The following DENND1B variants were observed in gnomAD, a reference collection of about 807,000 sequenced individuals.
The protein encoded by DENND1B is DENN domain-containing protein 1B.
A neutral mutation model predicts 90.1 loss-of-function variants in DENND1B; 59 were observed. The ratio of observed to expected loss-of-function variants is 0.65; its 90% CI spans 0.53 to 0.81. DENND1B has a LOEUF of 0.81. DENND1B is among the 40% of genes least tolerant of loss of function. DENND1B has a pLI of 0.00. For missense variants in DENND1B, 862 were observed against 912.6 expected (o/e 0.94, Z 0.71); for synonymous variants, 337 against 324.6 (o/e 1.04, Z -0.41).
At chr1:197,778,905 T>C (rs1393553142), upstream of DENND1B, among the ~76,000 whole-genome samples, 1 of 152,128 alleles carries the variant, frequency 6.6e-6, no homozygotes, top group Non-Finnish European at 1.5e-5. Context: ...TTTTAATAGG[T>C]ACATTTTAAC....
chr1:197,547,268 T>TC, intron 16 of DENND1B, among the ~76,000 whole-genome samples: 1 of 92,338 alleles, frequency 1.1e-5, no homozygotes, highest in East Asian at 2.7e-4. Context: ...ACCCCATCTC[T>TC]TTTTTTTTTT....
chr1:197,739,856 A>G (rs1473107599), intron 2 of DENND1B, among the ~76,000 whole-genome samples: 1 of 152,228 alleles, frequency 6.6e-6, no homozygotes, highest in Non-Finnish European at 1.5e-5. Context: ...ATCTTAATAA[A>G]ACATAATTGA....
intron 14 of DENND1B, among the ~76,000 whole-genome samples, chr1:197,588,133 C>G (rs1334362299): frequency 6.6e-6 from 1 of 152,200 alleles, no homozygotes; most frequent in East Asian, 1.9e-4. Flanking sequence ...CTGCAGCACC[C>G]AACCCAGTAC....
intron 8 of DENND1B, among the ~76,000 whole-genome samples, chr1:197,646,590 TTAA>T (rs1680753991): frequency 6.6e-6 from 1 of 152,020 alleles, no homozygotes; most frequent in South Asian, 2.1e-4. Context: ...TATCTTATTA[TTAA>T]TGATTAGAAA....
intron 3 of DENND1B, among the ~76,000 whole-genome samples, chr1:197,675,711 C>G (rs758250827): frequency 1.3e-5 from 2 of 152,064 alleles, no homozygotes; most frequent in Non-Finnish European, 2.9e-5. Context: ...AAAGTGAAAC[C>G]ATTCACCATT....
intron 6 of DENND1B, among the ~76,000 whole-genome samples, chr1:197,653,273 A>G (rs1224484600): frequency 6.6e-6 from 1 of 152,122 alleles, no homozygotes; most frequent in South Asian, 2.1e-4. Context: ...ACTGTAGATA[A>G]TACCATTCCC....
chr1:197,615,584 A>T (rs979617920), intron 11 of DENND1B, among the ~76,000 whole-genome samples: 8 of 151,026 alleles, frequency 5.3e-5, no homozygotes, highest in African/African-American at 1.9e-4. Context: ...ATGATCTGTA[A>T]TTTTTTTCCC....
intron 15 of DENND1B, among the ~76,000 whole-genome samples, chr1:197,562,551 C>A (rs1378656799): frequency 6.6e-6 from 1 of 151,746 alleles, no homozygotes; most frequent in Non-Finnish European, 1.5e-5. Flanking sequence ...TTTTAGGGTG[C>A]CAGGAACCAC....
intron 15 of DENND1B, 63 bp downstream of exon 15, chr1:197,583,089 A>C: frequency 6.9e-7 from 1 of 1,439,352 alleles, no homozygotes; most frequent in Non-Finnish European, 9.8e-7. Context: ...TTTTATAGTA[A>C]TACAAATGTG....
chr1:197,578,781 A>C (rs991591020), intron 15 of DENND1B, among the ~76,000 whole-genome samples: 4 of 152,178 alleles, frequency 2.6e-5, no homozygotes, highest in Admixed American at 6.5e-5. Flanking sequence ...GTCTTTCCTT[A>C]TACCTATGTA....
chr1:197,716,593 TC>T (rs989660885), intron 2 of DENND1B, among the ~76,000 whole-genome samples: 76 of 151,940 alleles, frequency 5.0e-4, no homozygotes, highest in African/African-American at 1.6e-3. Context: ...AATTTGAATC[TC>T]ATAAAACAAA....
chr1:197,697,827 A>G (rs1473370653), intron 3 of DENND1B, among the ~76,000 whole-genome samples: 10 of 152,148 alleles, frequency 6.6e-5, no homozygotes, highest in Non-Finnish European at 1.5e-5. Context: ...AAAGAAGGGC[A>G]TTACATAATG....
chr1:197,590,772 T>C (rs1675129362), intron 14 of DENND1B, among the ~76,000 whole-genome samples: 1 of 152,216 alleles, frequency 6.6e-6, no homozygotes, highest in Non-Finnish European at 1.5e-5. Flanking sequence ...AGTACTCCTG[T>C]CTTCCTTCCT....
intron 10 of DENND1B, among the ~76,000 whole-genome samples, chr1:197,618,875 T>TA (rs1224668921): frequency 6.6e-6 from 1 of 151,118 alleles, no homozygotes; most frequent in Non-Finnish European, 1.5e-5. Context: ...ACAATTAATT[T>TA]AAAAAAATGA....
At chr1:197,525,218 C>A (rs1458844258) in intron 20 of DENND1B, among the ~76,000 whole-genome samples, 1 of 152,016 alleles carries the variant, frequency 6.6e-6, no homozygotes, top group Non-Finnish European at 1.5e-5. Context: ...GTAATTATAT[C>A]AATTTTAAAT....
rs141050051 is a variant in DENND1B, at chr1:197,638,946, T to A, written c.672+3765A>T. Among the ~76,000 whole-genome samples the A allele has an allele frequency of 4.2e-3, 644 of 152,132 alleles. 5 individuals carry two copies. Among genetic ancestry groups the A allele is most frequent in the African/African-American group, 0.015 (618 of 41,522 alleles). On this transcript the variant is annotated intron_variant, in intron 10 of 22. Coordinates refer to ENST00000620048, the MANE Select transcript of DENND1B (RefSeq NM_001195215.2). ...AATATAATAATAGGTACTAACACAATACCACACTTTAAAATATAGGGAGAA... is the reference window on the plus strand; with the variant it reads ...AATATAATAATAGGTACTAACACAAAACCACACTTTAAAATATAGGGAGAA...
chr1:197,526,524 G>A (rs1182359546), intron 20 of DENND1B, among the ~76,000 whole-genome samples: 1 of 152,078 alleles, frequency 6.6e-6, no homozygotes, highest in African/African-American at 2.4e-5. Context: ...TAGAATGGTA[G>A]TATTCACTAG....
intron 20 of DENND1B, among the ~76,000 whole-genome samples, chr1:197,519,420 G>A (rs908800503): frequency 2.0e-5 from 3 of 151,872 alleles, no homozygotes; most frequent in African/African-American, 7.2e-5. Context: ...AGGCACAGAA[G>A]GGTATTATAT....
chr1:197,603,412 T>C (rs775721665), intron 13 of DENND1B, among the ~76,000 whole-genome samples: 7 of 151,242 alleles, frequency 4.6e-5, no homozygotes, highest in Non-Finnish European at 1.0e-4. Context: ...CCATTAACAG[T>C]ATACTTTCTG....
Sources: allele counts gnomAD v4.1 joint callset (sites outside exome capture counted in the v4.1 genomes callset), GRCh38; gene constraint gnomAD v4.1.1; transcripts MANE v1.5; gene names NCBI Gene and HGNC (gene_info 2026-07-23, HGNC 2026-07-21).